The following TF variants were observed in gnomAD, a reference collection of about 807,000 sequenced individuals.
The protein encoded by TF is serotransferrin.
Under a neutral mutation model 82.4 loss-of-function variants are expected in TF, and 55 were observed. The observed-to-expected ratio is 0.67, with a 90% CI of 0.54 to 0.84. The LOEUF is 0.84. Ranked by LOEUF, TF falls within the 40% of genes least tolerant of loss-of-function variation. The pLI is 0.00. For missense variants in TF, 737 were observed against 868.4 expected (o/e 0.85, Z 1.90); for synonymous variants, 332 against 332.6 (o/e 1.00, Z 0.02).
chr3:133,685,825 G>T, the TF span, among the ~76,000 whole-genome samples: 6 of 152,056 alleles, frequency 3.9e-5, no homozygotes, highest in Non-Finnish European at 8.8e-5. Flanking sequence ...CTAATGACTT[G>T]CTTCACAGAA....
Position 133,759,239 on chromosome 3 carries a change from G to A in TF, c.1113G>A (p.Arg371=). Residue 371 remains arginine (R), a synonymous_variant, in exon 9 of 17, where the codon AGG becomes AGA. Transcript: ENST00000402696. Reference sequence around the variant, plus strand: ...GGTGTGCGCTGAGCCACCACGAGAGGCTCAAGTGTGATGAGTGGAGTGTTA... The same window carrying A: ...GGTGTGCGCTGAGCCACCACGAGAGACTCAAGTGTGATGAGTGGAGTGTTA... The part of the protein sequence containing the change: ...VKWCALSHHE[R]LKCDEWSVNS... The A allele has an allele frequency of 6.2e-7, 1 of 1,614,138 alleles. No individual in the cohort carries two copies. Among genetic ancestry groups the A allele is most frequent in the South Asian group, 1.1e-5 (1 of 91,072 alleles).
chr3:133,725,281 A>C, the TF span, among the ~76,000 whole-genome samples: 19 of 152,178 alleles, frequency 1.2e-4, no homozygotes, highest in African/African-American at 3.6e-4. Flanking sequence ...ATTCTTCCTA[A>C]CCATGAGCAT....
rs1267440412 is a variant in TF at position 133,751,083 on chromosome 3, GATAA to G, written c.216+2505_217-2503del. On this transcript the variant is annotated intron_variant, in intron 2 of 16. Coordinates refer to ENST00000402696, the MANE Select transcript of TF (RefSeq NM_001063.4). ...CCAAATATCCATTGATGAGTGAATA[GATAA>G]ATAAAATGTGGTAAACACAAATGAT... Among the ~76,000 whole-genome samples the G allele has an allele frequency of 1.3e-4, 20 of 151,862 alleles. No individual in the cohort carries two copies. In the South Asian group the frequency reaches 2.3e-3, roughly 17 times the overall value.
intron 8 of TF, among the ~76,000 whole-genome samples, chr3:133,758,387 A>G (rs181001278): frequency 2.6e-5 from 4 of 152,260 alleles, no homozygotes; most frequent in Admixed American, 6.5e-5. Flanking sequence ...TTGACCATTC[A>G]TTTATTCAGC....
the TF span, among the ~76,000 whole-genome samples, chr3:133,726,976 T>G: frequency 2.8e-4 from 43 of 151,940 alleles, no homozygotes; most frequent in East Asian, 9.7e-4. Context: ...TTTTGAGTGA[T>G]TTTCTTAATC....
At chr3:133,774,391 A>G (rs1934333318) in intron 14 of TF, 1 of 152,248 alleles carries the variant, frequency 6.6e-6, no homozygotes, top group African/African-American at 2.4e-5. Context: ...TAGCCACACT[A>G]TGAAATATAA....
chr3:133,686,588 A>C, the TF span, among the ~76,000 whole-genome samples: 1 of 152,254 alleles, frequency 6.6e-6, no homozygotes, highest in Non-Finnish European at 1.5e-5. Flanking sequence ...GCCAACAGAC[A>C]CATGAAAAAA....
the TF span, among the ~76,000 whole-genome samples, chr3:133,683,793 C>T: frequency 7.1e-3 from 1,084 of 152,230 alleles, 17 homozygotes; most frequent in African/African-American, 0.022. Context: ...GACAGATCAA[C>T]GAGACAGAAA....
At chr3:133,670,193 T>C in the TF span, among the ~76,000 whole-genome samples, 2 of 152,216 alleles carry the variant, frequency 1.3e-5, no homozygotes, top group East Asian at 3.8e-4. Flanking sequence ...AAGTCACTGG[T>C]TAACCTTTCT....
chr3:133,693,874 C>T, the TF span, among the ~76,000 whole-genome samples: 2 of 152,242 alleles, frequency 1.3e-5, no homozygotes, highest in Non-Finnish European at 2.9e-5. Flanking sequence ...ATTAGCAGAG[C>T]TGCGTGCCAC....
the TF span, among the ~76,000 whole-genome samples, chr3:133,703,496 T>C: frequency 6.6e-6 from 1 of 152,208 alleles, no homozygotes; most frequent in East Asian, 1.9e-4. Flanking sequence ...GAAATTCTAG[T>C]ATCTAGCTTA....
At chr3:133,665,189 G>A in the TF span, among the ~76,000 whole-genome samples, 1 of 152,078 alleles carries the variant, frequency 6.6e-6, no homozygotes, top group Non-Finnish European at 1.5e-5. Context: ...GCTGGGGACC[G>A]GGTGCTATGG....
intron 3 of TF, 120 bp downstream of exon 3, chr3:133,753,823 G>A: frequency 2.3e-6 from 2 of 857,414 alleles, no homozygotes; most frequent in Non-Finnish European, 3.9e-6. Context: ...TGGAGAGTGA[G>A]TAGAGAATGA....
At chr3:133,715,588 C>A in the TF span, among the ~76,000 whole-genome samples, 1 of 152,136 alleles carries the variant, frequency 6.6e-6, no homozygotes, top group Non-Finnish European at 1.5e-5. Flanking sequence ...CTTTCCTCTC[C>A]CATTTCTCCT....
chr3:133,765,697 C>T (rs1934110670), intron 11 of TF, among the ~76,000 whole-genome samples: 1 of 152,184 alleles, frequency 6.6e-6, no homozygotes, highest in African/African-American at 2.4e-5. Flanking sequence ...AAACTGTAAT[C>T]TGAATTAAAC....
the TF span, among the ~76,000 whole-genome samples, chr3:133,690,169 A>G: frequency 6.6e-6 from 1 of 151,332 alleles, no homozygotes; most frequent in Non-Finnish European, 1.5e-5. Flanking sequence ...AACCATGACA[A>G]AGAAATGTTT....
At chr3:133,681,278 G>A in the TF span, among the ~76,000 whole-genome samples, 249 of 152,324 alleles carry the variant, frequency 1.6e-3, 1 homozygote, top group African/African-American at 5.5e-3. Context: ...CGTGAGCTAC[G>A]CAGAAGACAG....
upstream of TF, among the ~76,000 whole-genome samples, chr3:133,743,080 G>A (rs1450052212): frequency 1.3e-5 from 2 of 152,068 alleles, no homozygotes; most frequent in Non-Finnish European, 2.9e-5. Context: ...ATATCAAGAA[G>A]GCAGCTGTGG....
chr3:133,719,251 CCAAT>C, the TF span, among the ~76,000 whole-genome samples: 1 of 152,204 alleles, frequency 6.6e-6, no homozygotes, highest in Middle Eastern at 3.4e-3. Context: ...GAGTTTGGAT[CCAAT>C]CAGAGAGTCA....
Sources: gnomAD v4.1 joint callset for allele counts (sites outside exome capture counted in the v4.1 genomes callset) on GRCh38, gnomAD v4.1.1 for gene constraint, MANE v1.5 for transcripts, NCBI Gene and HGNC (gene_info 2026-07-23, HGNC 2026-07-21) for gene names.